Variants in MTMR14 observed in about 807,000 individuals in gnomAD.
MTMR14 encodes phosphatidylinositol-3,5-bisphosphate 3-phosphatase MTMR14.
In MTMR14, 48 loss-of-function variants were observed where a neutral mutation model predicts 86.3. The observed-to-expected ratio is 0.56, with a 90% CI of 0.44 to 0.71. The LOEUF is 0.71. MTMR14 is among the 30% of genes least tolerant of loss of function. The probability of loss-of-function intolerance (pLI) is 0.00; values close to 1 mark genes in which losing one functional copy is unlikely to be tolerated. For synonymous variants in MTMR14, 366 were observed against 326.1 expected (o/e 1.12, Z -1.32); for missense variants, 780 against 834.6 (o/e 0.93, Z 0.81).
At chr3:9,669,314 T>G in intron 4 of MTMR14, 118 bp from the exon 5 acceptor site, 2 of 897,612 alleles carry the variant, frequency 2.2e-6, no homozygotes, top group Non-Finnish European at 3.5e-6. Context: ...TCCTTAGGAG[T>G]AGAGCCATGT....
intron 3 of MTMR14, among the ~76,000 whole-genome samples, chr3:9,665,297 A>G (rs1056219520): frequency 2.0e-5 from 3 of 152,036 alleles, no homozygotes; most frequent in Non-Finnish European, 4.4e-5. Flanking sequence ...AAAAAAAAAA[A>G]AAGTCTCACG....
At position 9,697,229 on chromosome 3, in the gene MTMR14, C is replaced by G. The variant is rs2076307590; in HGVS notation, c.1614-482C>G. On this transcript the variant is annotated intron_variant, in intron 17 of 18. Coordinates refer to ENST00000296003, the MANE Select transcript of MTMR14 (RefSeq NM_001077525.3). ...TCTAGGTCATACCCTCCACAATCCC[C>G]AAGAGGCCCGTACTGTCTCTTCTGA... Among the ~76,000 whole-genome samples the G allele has an allele frequency of 2.6e-5, 4 of 152,312 alleles. No individual in the cohort carries two copies. In the South Asian group the frequency reaches 8.3e-4, roughly 32 times the overall value.
At chr3:9,664,058 G>C (rs2048108981) in intron 3 of MTMR14, among the ~76,000 whole-genome samples, 1 of 151,750 alleles carries the variant, frequency 6.6e-6, no homozygotes, top group Admixed American at 6.6e-5. Context: ...CAAAGTGCTG[G>C]GACTACAGGC....
intron 3 of MTMR14, among the ~76,000 whole-genome samples, chr3:9,662,588 C>T (rs971190823): frequency 2.0e-5 from 3 of 152,128 alleles, no homozygotes; most frequent in African/African-American, 4.8e-5. Context: ...TACCCCACCC[C>T]GTGTTCCAGA....
At chr3:9,676,236 G>C (rs73811562) in intron 7 of MTMR14, among the ~76,000 whole-genome samples, 3,832 of 152,306 alleles carry the variant, frequency 0.025, 154 homozygotes, top group African/African-American at 0.086. Flanking sequence ...TAGAGGCCCT[G>C]ATTGAGGTGC....
At chr3:9,686,066 C>T (rs2125286775) in intron 13 of MTMR14, among the ~76,000 whole-genome samples, 1 of 152,316 alleles carries the variant, frequency 6.6e-6, no homozygotes, top group East Asian at 1.9e-4. Context: ...ATCTTTCTCA[C>T]CCTCATGGGG....
chr3:9,650,285 G>T, intron 1 of MTMR14: 1 of 456,524 alleles, frequency 2.2e-6, no homozygotes, highest in Non-Finnish European at 4.4e-6. Context: ...ATCTAAAGCA[G>T]GTCTCCGTTC....
At position 9,687,812 on chromosome 3, in the gene MTMR14, CT is replaced by C. The variant is rs1046621752; in HGVS notation, c.1165-8del. ...TTCTCATTGTGCGCTGCTCTTTGGT[CT>C]CCTTTAGATTTTCTTCTTCTGCTTC... On this transcript the variant is annotated splice_region_variant and splice_polypyrimidine_tract_variant and intron_variant, in intron 13 of 18. Coordinates refer to ENST00000296003, the MANE Select transcript of MTMR14 (RefSeq NM_001077525.3). The C allele has an allele frequency of 3.2e-6, 5 of 1,567,650 alleles. No individual in the cohort carries two copies. The African/African-American group carries it at 6.7e-5, about 21-fold the overall frequency.
intron 7 of MTMR14, 94 bp downstream of exon 7, chr3:9,672,852 G>C: frequency 8.4e-7 from 1 of 1,189,586 alleles, no homozygotes; most frequent in African/African-American, 1.5e-5. Context: ...TGGCGCCCTG[G>C]GAGCTTTCCT....
intron 17 of MTMR14, 138 bp downstream of exon 17, chr3:9,690,281 G>C (rs1190268255): frequency 1.0e-6 from 1 of 964,070 alleles, no homozygotes; most frequent in Non-Finnish European, 1.6e-6. Flanking sequence ...TTGGAGGATG[G>C]GTTAGTGTTT....
chr3:9,673,461 A>G (rs916343342), intron 7 of MTMR14, among the ~76,000 whole-genome samples: 6 of 152,238 alleles, frequency 3.9e-5, no homozygotes, highest in African/African-American at 1.4e-4. Context: ...CTGCCTGTTT[A>G]GTAAGGGAGG....
chr3:9,669,439 AGATGAT>A lies in MTMR14; in HGVS notation c.503_508del (p.Asp168_Asp169del). 1 of 1,613,946 alleles carries A rather than the reference AGATGAT, an allele frequency of 6.2e-7. No homozygotes were observed. Among genetic ancestry groups the A allele is most frequent in the Non-Finnish European group, 8.5e-7 (1 of 1,179,904 alleles). ...GATAGGTTTCTCTGGCAGGGGGTGC[AGATGAT>A]GCCTGGGCAGATGTGGAGGACGTCA... On this transcript the variant is annotated inframe_deletion, in exon 5 of 19. Transcript: ENST00000296003.
At chr3:9,668,848 T>C (rs2048404012) in intron 4 of MTMR14, 54 bp downstream of exon 4, 2 of 1,585,324 alleles carry the variant, frequency 1.3e-6, no homozygotes, top group South Asian at 1.1e-5. Flanking sequence ...TCATAGAGAA[T>C]AGCTACCCGG....
At position 9,655,605 on chromosome 3, in the gene MTMR14, C is replaced by T. The variant is rs546742504; in HGVS notation, c.308+1836C>T. On this transcript the variant is annotated intron_variant, in intron 2 of 18. Coordinates refer to ENST00000296003, the MANE Select transcript of MTMR14 (RefSeq NM_001077525.3). ...CCTCCTGAGTAGCTGGGATTACAGGCGCCCGCCACCACGCCCAGCTACTTT... is the reference window on the plus strand; with the variant it reads ...CCTCCTGAGTAGCTGGGATTACAGGTGCCCGCCACCACGCCCAGCTACTTT... 7.3e-5 allele frequency among the ~76,000 whole-genome samples: 11 copies of T among 150,120 alleles called. No homozygotes were observed. In the South Asian group the frequency reaches 8.5e-4, roughly 12 times the overall value.
At chr3:9,672,906 C>A in intron 7 of MTMR14, 148 bp downstream of exon 7, 1 of 753,402 alleles carries the variant, frequency 1.3e-6, no homozygotes, top group South Asian at 1.4e-5. Context: ...GGTTCCCAGT[C>A]ACAGGCCACA....
intron 17 of MTMR14, among the ~76,000 whole-genome samples, chr3:9,695,363 T>C (rs1318058549): frequency 6.6e-6 from 1 of 152,154 alleles, no homozygotes; most frequent in African/African-American, 2.4e-5. Flanking sequence ...GAAGACTCCT[T>C]TGTAGCCAGT....
intron 2 of MTMR14, among the ~76,000 whole-genome samples, chr3:9,654,032 T>A (rs975247342): frequency 1.3e-5 from 2 of 152,208 alleles, no homozygotes; most frequent in Non-Finnish European, 2.9e-5. Context: ...ACTTCACACT[T>A]CACTTCTCTG....
intron 4 of MTMR14, among the ~76,000 whole-genome samples, chr3:9,669,065 G>A (rs938431941): frequency 2.6e-5 from 4 of 151,732 alleles, no homozygotes; most frequent in Admixed American, 6.6e-5. Flanking sequence ...GCTTGAACCC[G>A]GGAGATGGAG....
chr3:9,665,165 C>T (rs2048173761), intron 3 of MTMR14, among the ~76,000 whole-genome samples: 1 of 151,866 alleles, frequency 6.6e-6, no homozygotes, highest in Admixed American at 6.6e-5. Context: ...GCCTATAATC[C>T]CAGCTACTCC....
Sources: allele counts gnomAD v4.1 joint callset (sites outside exome capture counted in the v4.1 genomes callset), GRCh38; gene constraint gnomAD v4.1.1; transcripts MANE v1.5; gene names NCBI Gene and HGNC (gene_info 2026-07-23, HGNC 2026-07-21).